The following HMCN2 variants were observed in gnomAD, a reference collection of about 807,000 sequenced individuals.
HMCN2 encodes the protein hemicentin 2.
Under a neutral mutation model 377.5 loss-of-function variants are expected in HMCN2, and 325 were observed. That is an observed-to-expected ratio of 0.86 (90% CI 0.79 to 0.94). HMCN2 has a LOEUF of 0.94. Ranked by LOEUF, HMCN2 falls within the 40% of genes least tolerant of loss-of-function variation. The pLI, the probability that HMCN2 is intolerant of heterozygous loss-of-function variation, is 0.00. For synonymous variants in HMCN2, 2,007 were observed against 2,046.8 expected (o/e 0.98, Z 0.53); for missense variants, 4,543 against 4,725.3 (o/e 0.96, Z 1.13).
Position 130,433,702 on chromosome 9 carries a change from G to A in HMCN2, c.*9G>A. 1 of 1,456,286 alleles carries A rather than the reference G, an allele frequency of 6.9e-7. No homozygotes were observed. Among genetic ancestry groups the A allele is most frequent in the South Asian group, 1.4e-5 (1 of 70,598 alleles). The allele number at this position is 1,456,286 out of a possible 1,614,324, so 90.2% of individuals were successfully genotyped here. On this transcript the variant is annotated 3_prime_UTR_variant, in exon 98 of 98. Transcript: ENST00000683500. ...CCCCCTACCCCTACTAAACGGGAGA[G>A]GGCATTGGCGGCCGCCCTGGCGTGA...
chr9:130,399,250 CAAAAA>C (rs35123847), intron 75 of HMCN2, among the ~76,000 whole-genome samples: 1 of 77,040 alleles, frequency 1.3e-5, no homozygotes. Context: ...GAGACTGTCT[CAAAAA>C]AAAAAAAAAA....
At position 130,395,114 on chromosome 9, in the gene HMCN2, TGGTGGG is replaced by T; in HGVS notation, c.10774+14_10774+19del. Reference sequence around the variant, plus strand: ...CTTCCGGGTCAGGGTTCAAGGTAGGTGGTGGGGGTGGGGTGGGGGCAGGGCCGGGAG... The same window carrying T: ...CTTCCGGGTCAGGGTTCAAGGTAGGTGGTGGGGTGGGGGCAGGGCCGGGAG... On this transcript the variant is annotated splice_region_variant and intron_variant, in intron 70 of 97. Transcript: ENST00000683500. 2.5e-5 allele frequency: 3 copies of T among 122,190 alleles called. No homozygotes were observed. Among genetic ancestry groups the T allele is most frequent in the Non-Finnish European group, 3.3e-5 (3 of 90,026 alleles). 7.6% of individuals were successfully genotyped at this position (122,190 alleles called of 1,614,324 possible). A position where few individuals can be genotyped will look rare whatever the true frequency, so the allele number is the denominator to read the frequency against.
intron 1 of HMCN2, among the ~76,000 whole-genome samples, chr9:130,281,838 C>T (rs1259058551): frequency 2.1e-5 from 3 of 145,082 alleles, no homozygotes; most frequent in Admixed American, 7.1e-5. Context: ...TGCAGTGAGC[C>T]GAGATTGCAC....
intron 1 of HMCN2, among the ~76,000 whole-genome samples, chr9:130,271,193 C>G (rs1477795126): frequency 6.7e-6 from 1 of 148,730 alleles, no homozygotes; most frequent in African/African-American, 2.4e-5. Flanking sequence ...TTGCCTGACT[C>G]GGATAGTATT....
At position 130,351,700 on chromosome 9, in the gene HMCN2, T is replaced by A. The variant is rs1009176842; in HGVS notation, c.4585+123T>A. 2.8e-6 allele frequency: 2 copies of A among 722,566 alleles called. No individual in the cohort carries two copies. The highest frequency in any genetic ancestry group is 3.8e-6 in the Non-Finnish European group (2 of 519,664). The allele number at this position is 722,566 out of a possible 1,614,324, so 44.8% of individuals were successfully genotyped here. A position where few individuals can be genotyped will look rare whatever the true frequency, so the allele number is the denominator to read the frequency against. Reference sequence around the variant, plus strand: ...GGGGACCTGGTGAGTGATCCCTGAGTCCAAGAAAGCTGGGGGCTGGGGTCG... The same window carrying A: ...GGGGACCTGGTGAGTGATCCCTGAGACCAAGAAAGCTGGGGGCTGGGGTCG... On this transcript the variant is annotated intron_variant, in intron 30 of 97. Coordinates refer to ENST00000683500, the MANE Select transcript of HMCN2 (RefSeq NM_001291815.2). The surrounding 1 kb of genome is among the most constrained non-coding windows in gnomAD (Gnocchi z 5.4).
In HMCN2 at chr9:130,271,920, C is replaced by T. The variant is rs114995060; in HGVS notation, c.259+5783C>T. On this transcript the variant is annotated intron_variant, in intron 1 of 97. Transcript: ENST00000683500. The stretch of plus-strand genomic sequence containing the variant: ...CATGAGTTCATGCTGATATCTTCAA[C>T]TCTAATTTATATTCGATATTGGATT... Among the ~76,000 whole-genome samples the T allele has an allele frequency of 4.8e-3, 719 of 149,512 alleles. 15 individuals carry two copies. Among genetic ancestry groups the T allele is most frequent in the African/African-American group, 0.017 (693 of 41,410 alleles).
chr9:130,367,941 C>CA (rs10565235), intron 43 of HMCN2, among the ~76,000 whole-genome samples: 16,632 of 74,582 alleles, frequency 0.22, 1,804 homozygotes, highest in East Asian at 0.41. Flanking sequence ...GACTCTGTCT[C>CA]AAAAAAAAAA....
At position 130,348,631 on chromosome 9, in the gene HMCN2, G is replaced by A. The variant is rs898492938; in HGVS notation, c.4111G>A (p.Gly1371Ser). 3.8e-6 allele frequency: 5 copies of A among 1,304,176 alleles called. No individual in the cohort carries two copies. In the African/African-American group the frequency reaches 4.6e-5, roughly 12 times the overall value. 80.8% of individuals were successfully genotyped at this position (1,304,176 alleles called of 1,614,324 possible). A position where few individuals can be genotyped will look rare whatever the true frequency, so the allele number is the denominator to read the frequency against. The change falls in exon 27 of 98, where the codon GGC becomes AGC. Residue 1371 changes from glycine to serine, a missense_variant. Coordinates refer to ENST00000683500, the MANE Select transcript of HMCN2 (RefSeq NM_001291815.2). ...QSLTLECDANGFPVPEIVWLK... is the reference protein window; with the variant it reads ...QSLTLECDANSFPVPEIVWLK... ...CCTGACGCTGGAGTGTGACGCGAACGGCTTTCCAGTCCCTGAGATCGTGTG... is the reference window on the plus strand; with the variant it reads ...CCTGACGCTGGAGTGTGACGCGAACAGCTTTCCAGTCCCTGAGATCGTGTG...
rs192031777 is a variant in HMCN2, at chr9:130,387,801, T to G, written c.9392-608T>G. Among the ~76,000 whole-genome samples the G allele has an allele frequency of 3.1e-3, 475 of 151,948 alleles. 3 individuals are homozygous for G. Among genetic ancestry groups the G allele is most frequent in the Non-Finnish European group, 4.2e-3 (286 of 67,980 alleles). ...GTTGAAAAGGACTGACAAGATGGAG[T>G]GCAGGGGCTCATGCCTGTAATCCCA... On this transcript the variant is annotated intron_variant, in intron 61 of 97. Transcript: ENST00000683500.
At chr9:130,367,941 C>CAA (rs10565235) in intron 43 of HMCN2, among the ~76,000 whole-genome samples, 10,335 of 74,858 alleles carry the variant, frequency 0.14, 903 homozygotes, top group Non-Finnish European at 0.2. Flanking sequence ...GACTCTGTCT[C>CAA]AAAAAAAAAA....
In HMCN2 at chr9:130,393,439, G is replaced by C. The variant is rs1011748461; in HGVS notation, c.10234+130G>C. 2 of 512,354 alleles carry C rather than the reference G, an allele frequency of 3.9e-6. No homozygotes were observed. The highest frequency in any genetic ancestry group is 5.2e-6 in the Non-Finnish European group (2 of 386,094). 31.7% of individuals were successfully genotyped at this position (512,354 alleles called of 1,614,324 possible). ...GGGCGTCGAGGAGAGCGGACACTGC[G>C]GCTCAGTCTCTGACTCACTGTATTG... On this transcript the variant is annotated intron_variant, in intron 67 of 97. Transcript: ENST00000683500. The surrounding 1 kb of genome is among the most constrained non-coding windows in gnomAD (Gnocchi z 5.2).
intron 1 of HMCN2, among the ~76,000 whole-genome samples, chr9:130,271,074 C>T (rs1451078271): frequency 6.7e-6 from 1 of 148,756 alleles, no homozygotes; most frequent in African/African-American, 2.4e-5. Context: ...TCCAGTTAGA[C>T]TGGGTAATGT....
chr9:130,384,905 G>C, intron 59 of HMCN2, 107 bp downstream of exon 59: 1 of 696,964 alleles, frequency 1.4e-6, no homozygotes, highest in South Asian at 1.6e-5. Flanking sequence ...GAGGCACAGG[G>C]GGAGGCTGGG....
intron 21 of HMCN2, 44 bp from the exon 22 acceptor site, chr9:130,327,266 G>C (rs1838192151): frequency 6.6e-6 from 1 of 152,432 alleles, no homozygotes; most frequent in South Asian, 2.1e-4. Flanking sequence ...ATGGACCCTA[G>C]TCCCCTCTGC....
intron 28 of HMCN2, among the ~76,000 whole-genome samples, 189 bp downstream of exon 28, chr9:130,349,320 T>C (rs1839568416): frequency 6.6e-6 from 1 of 152,054 alleles, no homozygotes; most frequent in Non-Finnish European, 1.5e-5. Flanking sequence ...GACAGGTGAA[T>C]AGCAAAATCA....
chr9:130,301,645 C>G (rs139746382), intron 8 of HMCN2, among the ~76,000 whole-genome samples: 17 of 152,256 alleles, frequency 1.1e-4, no homozygotes, highest in African/African-American at 3.6e-4. Flanking sequence ...ACCCCTCCCC[C>G]CCCGGGACAG....
rs1452151919 is a variant in HMCN2 at position 130,393,420 on chromosome 9, C to T, written c.10234+111C>T. The T allele has an allele frequency of 1.1e-5, 7 of 644,678 alleles. No homozygotes were observed. The highest frequency in any genetic ancestry group is 9.9e-5 in the African/African-American group (5 of 50,468). The allele number at this position is 644,678 out of a possible 1,614,324, so 39.9% of individuals were successfully genotyped here. ...AACCAAGGATGGGCCCTGGGGGCGT[C>T]GAGGAGAGCGGACACTGCGGCTCAG... On this transcript the variant is annotated intron_variant, in intron 67 of 97. Coordinates refer to ENST00000683500, the MANE Select transcript of HMCN2 (RefSeq NM_001291815.2). This position sits in a 1 kb window ranked among gnomAD's most constrained non-coding sequence, Gnocchi z 5.2.
At position 130,317,430 on chromosome 9, in the gene HMCN2, C is replaced by T. The variant is rs1231498018; in HGVS notation, c.2351-2065C>T. On this transcript the variant is annotated intron_variant, in intron 15 of 97. Coordinates refer to ENST00000683500, the MANE Select transcript of HMCN2 (RefSeq NM_001291815.2). ...AGGCTGCAGTGAGCTATGATTGTGC[C>T]ACTGTGCTCCAGCCTAGATGATAGC... Among the ~76,000 whole-genome samples the T allele has an allele frequency of 4.6e-5, 7 of 151,342 alleles. No homozygotes were observed. The East Asian group carries it at 1.4e-3, about 30-fold the overall frequency.
chr9:130,419,792 C>T (rs1843887467), intron 86 of HMCN2, among the ~76,000 whole-genome samples: 1 of 152,202 alleles, frequency 6.6e-6, no homozygotes, highest in Non-Finnish European at 1.5e-5. Flanking sequence ...CAGAATCTTT[C>T]TCCAATGAGC....
Sources: allele counts gnomAD v4.1 joint callset (sites outside exome capture counted in the v4.1 genomes callset), GRCh38; gene constraint gnomAD v4.1.1; non-coding constraint Gnocchi (gnomAD v3.1); transcripts MANE v1.5; gene names NCBI Gene and HGNC (gene_info 2026-07-23, HGNC 2026-07-21).